The following LUZP2 variants were observed in gnomAD, a reference collection of about 807,000 sequenced individuals.
The protein encoded by LUZP2 is leucine zipper protein 2.
Under a neutral mutation model 51.6 loss-of-function variants are expected in LUZP2, and 52 were observed. The observed-to-expected ratio is 1.01, with a 90% CI of 0.81 to 1.27. LUZP2 has a LOEUF of 1.27. LUZP2 is among the 50% of genes most tolerant of loss of function. The probability of loss-of-function intolerance (pLI) is 0.00; values close to 1 mark genes in which losing one functional copy is unlikely to be tolerated. For missense variants in LUZP2, 436 were observed against 395.4 expected, an observed-to-expected ratio of 1.10 and a Z score of -0.87; for synonymous variants, 154 against 137.3, an observed-to-expected ratio of 1.12 and a Z score of -0.85.
intron 4 of LUZP2, among the ~76,000 whole-genome samples, chr11:24,748,153 C>T (rs1192419721): frequency 6.6e-6 from 1 of 152,134 alleles, no homozygotes; most frequent in Non-Finnish European, 1.5e-5. Context: ...GACACCCCTC[C>T]TGAAGGTTCT....
At chr11:24,827,267 C>A (rs1248488461) in intron 5 of LUZP2, among the ~76,000 whole-genome samples, 1 of 152,128 alleles carries the variant, frequency 6.6e-6, no homozygotes, top group African/African-American at 2.4e-5. Flanking sequence ...GGTCAGAATT[C>A]AGGGGTTATC....
chr11:24,573,885 T>C (rs1005529194), intron 1 of LUZP2, among the ~76,000 whole-genome samples: 10 of 151,664 alleles, frequency 6.6e-5, no homozygotes, highest in Non-Finnish European at 1.2e-4. Context: ...TTTTTAATTT[T>C]ATTATTATTA....
intron 9 of LUZP2, among the ~76,000 whole-genome samples, chr11:25,040,472 A>G (rs1858021136): frequency 6.6e-6 from 1 of 151,474 alleles, no homozygotes; most frequent in Non-Finnish European, 1.5e-5. Flanking sequence ...CACAAGTAGA[A>G]AATCACAATA....
chr11:24,539,125 A>T (rs1851277920), intron 1 of LUZP2, among the ~76,000 whole-genome samples: 1 of 151,860 alleles, frequency 6.6e-6, no homozygotes, highest in South Asian at 2.1e-4. Context: ...ATTTATTTTT[A>T]AAATTTGCAC....
In LUZP2 at chr11:24,522,667, C is replaced by G. The variant is rs142977542; in HGVS notation, c.62+25362C>G. ...AAATCTTATTGCCAATCCTAAAGCA[C>G]TCTATATTGGCTTTTATATAATCCA... On this transcript the variant is annotated intron_variant, in intron 1 of 11. Transcript: ENST00000336930. Among the ~76,000 whole-genome samples, 128 of 152,104 alleles carry G rather than the reference C, an allele frequency of 8.4e-4. 1 individual carries two copies. Among genetic ancestry groups the G allele is most frequent in the Admixed American group, 2.6e-3 (39 of 15,260 alleles).
intron 5 of LUZP2, among the ~76,000 whole-genome samples, chr11:24,889,231 CTA>C (rs1852770920): frequency 6.6e-6 from 1 of 152,094 alleles, no homozygotes; most frequent in Non-Finnish European, 1.5e-5. Flanking sequence ...AGTGACAAAA[CTA>C]TGTGATTATG....
chr11:24,783,694 A>G (rs1849158859), intron 5 of LUZP2, among the ~76,000 whole-genome samples: 1 of 151,964 alleles, frequency 6.6e-6, no homozygotes, highest in Non-Finnish European at 1.5e-5. Flanking sequence ...TAGAGAACTG[A>G]CCCTACTGTT....
chr11:24,511,710 A>G (rs1421531704), intron 1 of LUZP2, among the ~76,000 whole-genome samples: 1 of 152,248 alleles, frequency 6.6e-6, no homozygotes, highest in East Asian at 1.9e-4. Context: ...TGGTTTAGAC[A>G]TATGAAGTAC....
intron 1 of LUZP2, among the ~76,000 whole-genome samples, chr11:24,680,969 CTTTA>C (rs200285464): frequency 1.9e-4 from 19 of 101,156 alleles, no homozygotes; most frequent in Admixed American, 6.6e-4. Flanking sequence ...TAATTTCTTT[CTTTA>C]TTTTTTTTTT....
rs1379949226 is a variant in LUZP2 at position 25,079,060 on chromosome 11, G to T, written c.*402G>T. 6.1e-6 allele frequency: 1 copy of T among 163,226 alleles called. No homozygotes were observed. Among genetic ancestry groups the T allele is most frequent in the Non-Finnish European group, 1.3e-5 (1 of 76,068 alleles). 10.1% of individuals were successfully genotyped at this position (163,226 alleles called of 1,614,324 possible). A position where few individuals can be genotyped will look rare whatever the true frequency, so the allele number is the denominator to read the frequency against. ...TAGAATCCAAATTACAACCATATCA[G>T]TAAGGGTTTGGTCCACATGAGCCAA... On this transcript the variant is annotated 3_prime_UTR_variant, in exon 12 of 12. Transcript: ENST00000336930.
chr11:24,762,163 A>G (rs1381880407), intron 4 of LUZP2, among the ~76,000 whole-genome samples: 1 of 152,146 alleles, frequency 6.6e-6, no homozygotes, highest in East Asian at 1.9e-4. Flanking sequence ...TGTATATGGT[A>G]AAAATTAACC....
chr11:24,802,369 G>T (rs539828437), intron 5 of LUZP2, among the ~76,000 whole-genome samples: 1 of 152,064 alleles, frequency 6.6e-6, no homozygotes, highest in Non-Finnish European at 1.5e-5. Context: ...ATACTGCCAT[G>T]AAGAACATTC....
rs528459742 is a variant in LUZP2, at chr11:24,723,995, T to G, written c.63-5174T>G. ...TAATTTCAAACATAAGCAAATAATTTTAAGTCACAGAAGTCTGAATATTGG... is the reference window on the plus strand; with the variant it reads ...TAATTTCAAACATAAGCAAATAATTGTAAGTCACAGAAGTCTGAATATTGG... On this transcript the variant is annotated intron_variant, in intron 1 of 11. Coordinates refer to ENST00000336930, the MANE Select transcript of LUZP2 (RefSeq NM_001009909.4). 7.2e-5 allele frequency among the ~76,000 whole-genome samples: 11 copies of G among 152,270 alleles called. No homozygotes were observed. In the East Asian group the frequency reaches 1.9e-3, roughly 27 times the overall value.
chr11:24,921,185 A>G (rs140219677), intron 7 of LUZP2, among the ~76,000 whole-genome samples: 110 of 152,118 alleles, frequency 7.2e-4, no homozygotes, highest in African/African-American at 2.6e-3. Context: ...AAAGAAGAAA[A>G]CAGCTCCCCC....
intron 5 of LUZP2, among the ~76,000 whole-genome samples, chr11:24,901,977 G>A (rs941527788): frequency 1.3e-5 from 2 of 152,116 alleles, no homozygotes; most frequent in African/African-American, 4.8e-5. Flanking sequence ...ATATAGCAGT[G>A]TAATATTTTG....
At position 25,077,409 on chromosome 11, in the gene LUZP2, ATG is replaced by A; in HGVS notation, c.936+7_936+8del. On this transcript the variant is annotated splice_donor_5th_base_variant and intron_variant, in intron 11 of 11. Transcript: ENST00000336930. ...CAGAAACCGAGCCTATCCCACAGGTATGTGTTTGTTTTATTTCGTTTGTGTCA... is the reference window on the plus strand; with the variant it reads ...CAGAAACCGAGCCTATCCCACAGGTATGTTTGTTTTATTTCGTTTGTGTCA... 1 of 1,588,548 alleles carries A rather than the reference ATG, an allele frequency of 6.3e-7. No homozygotes were observed. Among genetic ancestry groups the A allele is most frequent in the Non-Finnish European group, 8.6e-7 (1 of 1,159,776 alleles).
At chr11:24,999,381 G>T (rs1371023238) in intron 9 of LUZP2, among the ~76,000 whole-genome samples, 1 of 150,158 alleles carries the variant, frequency 6.7e-6, no homozygotes, top group East Asian at 1.9e-4. Flanking sequence ...GAAGGAGGAG[G>T]AGCAGGAAGA....
intron 7 of LUZP2, among the ~76,000 whole-genome samples, chr11:24,973,944 C>G (rs112902085): frequency 0.015 from 2,298 of 151,996 alleles, 71 homozygotes; most frequent in African/African-American, 0.052. Context: ...AGATATCTAT[C>G]AGCTCTGCTT....
intron 5 of LUZP2, among the ~76,000 whole-genome samples, chr11:24,785,391 T>C (rs984902586): frequency 1.3e-5 from 2 of 152,078 alleles, no homozygotes; most frequent in African/African-American, 4.8e-5. Context: ...TAAAAAGGTA[T>C]GCCATCTTCA....
Sources: allele counts gnomAD v4.1 joint callset (sites outside exome capture counted in the v4.1 genomes callset), GRCh38; gene constraint gnomAD v4.1.1; transcripts MANE v1.5; gene names NCBI Gene and HGNC (gene_info 2026-07-23, HGNC 2026-07-21).